The following NBPF8 variants were observed in gnomAD, a reference collection of about 807,000 sequenced individuals.
The protein encoded by NBPF8 is NBPF family member NBPF8.
rs1330836452 is a variant in NBPF8 at position 120,464,486 on chromosome 1, C to T, written n.3397C>T. 9,008 of 1,161,702 alleles carry T rather than the reference C, an allele frequency of 7.8e-3. 476 individuals are homozygous for T. In the African/African-American group the frequency reaches 0.11, roughly 15 times the overall value. The allele number at this position is 1,161,702 out of a possible 1,614,324, so 72.0% of individuals were successfully genotyped here. On this transcript the variant is annotated non_coding_transcript_exon_variant, in exon 23 of 25. Transcript: ENST00000583271. Reference sequence around the variant, plus strand: ...CTTGAACAGCCTGACTCCTGCCAGCCGTATGGAAGTTCCTTTTATGCATTG... The same window carrying T: ...CTTGAACAGCCTGACTCCTGCCAGCTGTATGGAAGTTCCTTTTATGCATTG...
downstream of NBPF8, among the ~76,000 whole-genome samples, chr1:120,468,270 C>A (rs1661802550): frequency 1.3e-5 from 2 of 151,308 alleles, no homozygotes; most frequent in African/African-American, 4.9e-5. Context: ...TGGTTTAGAT[C>A]CACAATGAAA....
chr1:120,460,082 T>C (rs1162547111), intron 17 of NBPF8, among the ~76,000 whole-genome samples: 4 of 152,166 alleles, frequency 2.6e-5, no homozygotes, highest in Non-Finnish European at 5.9e-5. Context: ...TCTAGATAAA[T>C]GGCTGACTTT....
chr1:120,435,809 T>C (rs1198886520), upstream of NBPF8, among the ~76,000 whole-genome samples: 4 of 151,184 alleles, frequency 2.6e-5, no homozygotes, highest in Non-Finnish European at 5.9e-5. Context: ...GAGCTTGCAG[T>C]GAGCCTAGAT....
upstream of NBPF8, among the ~76,000 whole-genome samples, chr1:120,418,703 A>G (rs1660492416): frequency 2.3e-5 from 2 of 86,470 alleles, 1 homozygote; most frequent in Admixed American, 2.2e-4. Flanking sequence ...GGCATGCACC[A>G]CTATGCCCGG....
upstream of NBPF8, among the ~76,000 whole-genome samples, chr1:120,416,271 TG>T (rs1217894611): frequency 7.2e-6 from 1 of 138,390 alleles, no homozygotes; most frequent in Non-Finnish European, 1.5e-5. Context: ...AAGAAATCTT[TG>T]AAAAGTTACT....
At chr1:120,452,093 A>G (rs1661292466) in intron 12 of NBPF8, 24 bp from the exon 11 acceptor site, 4 of 1,487,696 alleles carry the variant, frequency 2.7e-6, no homozygotes, top group Admixed American at 1.7e-5. Flanking sequence ...CCACTCTTAA[A>G]TTTTCTCTAC....
At chr1:120,467,950 G>A (rs1661787492), downstream of NBPF8, among the ~76,000 whole-genome samples, 1 of 143,868 alleles carries the variant, frequency 7.0e-6, no homozygotes, top group Non-Finnish European at 1.5e-5. Flanking sequence ...GTGAGTGTGA[G>A]AGTGTGTGTG....
At chr1:120,451,781 C>G (rs1478371578) in intron 12 of NBPF8, among the ~76,000 whole-genome samples, 6 of 148,494 alleles carry the variant, frequency 4.0e-5, no homozygotes, top group African/African-American at 1.0e-4. Context: ...GCAAGATGCA[C>G]TATGTGTATT....
chr1:120,415,495 G>A (rs1443472563), upstream of NBPF8, among the ~76,000 whole-genome samples: 8 of 152,124 alleles, frequency 5.3e-5, no homozygotes, highest in Non-Finnish European at 8.8e-5. Context: ...CTTGGGCGCT[G>A]GGGAAGAAAC....
upstream of NBPF8, among the ~76,000 whole-genome samples, chr1:120,434,383 G>C (rs1661010610): frequency 6.9e-6 from 1 of 145,452 alleles, no homozygotes; most frequent in Non-Finnish European, 1.5e-5. Context: ...AGGTATATAT[G>C]TATATATAAT....
chr1:120,446,028 C>CA, exon 8 of NBPF8: 1 of 1,313,222 alleles, frequency 7.6e-7, no homozygotes, highest in South Asian at 1.2e-5. Context: ...GCACCTTGTC[C>CA]AAAAGCTCAG....
At chr1:120,416,262 A>G (rs1212457115), upstream of NBPF8, among the ~76,000 whole-genome samples, 1 of 140,072 alleles carries the variant, frequency 7.1e-6, no homozygotes, top group Middle Eastern at 3.4e-3. Context: ...TTTGTGTCAA[A>G]GAAATCTTTG....
At chr1:120,419,349 G>C (rs1436167073), upstream of NBPF8, among the ~76,000 whole-genome samples, 1 of 152,232 alleles carries the variant, frequency 6.6e-6, no homozygotes, top group Non-Finnish European at 1.5e-5. Context: ...CAGTAGATGA[G>C]ATTCCAAAGA....
chr1:120,422,725 T>G (rs577084), intron 1 of NBPF8, among the ~76,000 whole-genome samples: 1 of 137,600 alleles, frequency 7.3e-6, no homozygotes, highest in Non-Finnish European at 1.5e-5. Flanking sequence ...AACTTAAGTT[T>G]TCCAAAGTGA....
chr1:120,421,233 T>C (rs1205413222), intron 1 of NBPF8, among the ~76,000 whole-genome samples: 1 of 152,206 alleles, frequency 6.6e-6, no homozygotes, highest in African/African-American at 2.4e-5. Context: ...AAACAGTATA[T>C]AGTTTTACAG....
At position 120,454,120 on chromosome 1, in the gene NBPF8, C is replaced by A; in HGVS notation, n.2568+6C>A. 1 of 1,612,432 alleles carries A rather than the reference C, an allele frequency of 6.2e-7. No individual in the cohort carries two copies. Among genetic ancestry groups the A allele is most frequent in the Non-Finnish European group, 8.5e-7 (1 of 1,179,700 alleles). On this transcript the variant is annotated splice_donor_region_variant and intron_variant and non_coding_transcript_variant, in intron 15 of 24. Coordinates refer to ENST00000583271, the Ensembl canonical transcript of NBPF8. Reference sequence around the variant, plus strand: ...TGCTGTACACATTATTCCAGGTAGCCTCTGTTTTCCTTGTGTCTCATACCT... The same window carrying A: ...TGCTGTACACATTATTCCAGGTAGCATCTGTTTTCCTTGTGTCTCATACCT...
chr1:120,415,069 A>G (rs1435693608), upstream of NBPF8, among the ~76,000 whole-genome samples: 3 of 151,898 alleles, frequency 2.0e-5, no homozygotes, highest in East Asian at 1.9e-4. Flanking sequence ...GGCTCAGGCT[A>G]TGGGCTGGGC....
chr1:120,464,218 G>A (rs1389973503), intron 22 of NBPF8, among the ~76,000 whole-genome samples, 158 bp from the exon 21 acceptor site: 3 of 133,822 alleles, frequency 2.2e-5, no homozygotes, highest in Non-Finnish European at 4.7e-5. Flanking sequence ...ATTTGGCCCT[G>A]TTCTGTCCCA....
intron 11 of NBPF8, among the ~76,000 whole-genome samples, chr1:120,450,336 G>A (rs1247482304): frequency 1.5e-4 from 23 of 152,132 alleles, no homozygotes; most frequent in Non-Finnish European, 2.8e-4. Flanking sequence ...TAAAGAGGAA[G>A]AAAGATCCCA....
Sources: gnomAD v4.1 joint callset for allele counts (sites outside exome capture counted in the v4.1 genomes callset) on GRCh38, gnomAD v4.1.1 for gene constraint, MANE v1.5 for transcripts, NCBI Gene and HGNC (gene_info 2026-07-23, HGNC 2026-07-21) for gene names.